The following DSG2 variants were observed in gnomAD, a reference collection of about 807,000 sequenced individuals.
DSG2 encodes desmoglein-2.
DSG2 carries 45 observed loss-of-function variants against 75.6 expected under a neutral mutation model. The ratio of observed to expected loss-of-function variants is 0.60; its 90% CI spans 0.47 to 0.76. The LOEUF (loss-of-function observed/expected upper bound fraction) is 0.76, where lower values mean the gene tolerates loss of function less well. Among genes scored for constraint, DSG2 ranks in the 30% least tolerant of loss-of-function variants. The pLI is 0.00. For missense variants in DSG2, 1,267 were observed against 1,357.4 expected, an observed-to-expected ratio of 0.93 and a Z score of 1.05; for synonymous variants, 429 against 483.9, an observed-to-expected ratio of 0.89 and a Z score of 1.49.
At chr18:31,521,266 TTAATA>T in intron 5 of DSG2, 23 bp downstream of exon 5, 7 of 1,568,364 alleles carry the variant, frequency 4.5e-6, no homozygotes, top group African/African-American at 4.2e-5. Flanking sequence ...TTTTTTTTTT[TTAATA>T]AATAAATACC....
Position 31,531,250 on chromosome 18 carries a change from A to G in DSG2, c.1278A>G (p.Ala426=), listed in dbSNP as rs2073197137. 1 of 1,614,132 alleles carries G rather than the reference A, an allele frequency of 6.2e-7. No individual in the cohort carries two copies. The change falls in exon 9 of 15, where the codon GCA becomes GCG. Residue 426 remains alanine, a splice_region_variant and synonymous_variant. Transcript: ENST00000261590. ...AGGACACTGGACTACCAGCCCATGCAAGGTAAGAGAGAGTGACACGTGTAT... is the reference window on the plus strand; with the variant it reads ...AGGACACTGGACTACCAGCCCATGCGAGGTAAGAGAGAGTGACACGTGTAT... ...FDEDTGLPAH[A]RYVKLEDRDN...
intron 1 of DSG2, among the ~76,000 whole-genome samples, chr18:31,510,767 G>A (rs915306425): frequency 9.2e-5 from 14 of 152,124 alleles, no homozygotes; most frequent in African/African-American, 3.4e-4. Flanking sequence ...TGGTTCATCT[G>A]AAAACACTGC....
intron 10 of DSG2, 75 bp from the exon 11 acceptor site, chr18:31,536,127 G>T (rs943259086): frequency 3.5e-6 from 5 of 1,436,670 alleles, no homozygotes; most frequent in Admixed American, 1.8e-5. Flanking sequence ...CTCCAAATTG[G>T]CAAGGGAATT....
rs1264314764 is a variant in DSG2, at chr18:31,541,187, G to A, written c.1880-6G>A. ...CTTATCTGTGTTCAATTTTGTGTCT[G>A]TACAGTGGTACCACTTTTACTGCTG... On this transcript the variant is annotated splice_region_variant and splice_polypyrimidine_tract_variant and intron_variant, in intron 12 of 14. Transcript: ENST00000261590. The A allele has an allele frequency of 6.2e-7, 1 of 1,614,000 alleles. No homozygotes were observed. Among genetic ancestry groups the A allele is most frequent in the African/African-American group, 1.3e-5 (1 of 74,934 alleles).
chr18:31,513,961 T>G (rs2073080351), intron 1 of DSG2, among the ~76,000 whole-genome samples: 1 of 152,184 alleles, frequency 6.6e-6, no homozygotes, highest in Non-Finnish European at 1.5e-5. Context: ...TGCAGGATAC[T>G]CAGCCAGTAT....
chr18:31,546,216 T>C lies in DSG2; in HGVS notation c.2830T>C (p.Ser944Pro), dbSNP rs1183510455. The C allele has an allele frequency of 6.2e-7, 1 of 1,612,334 alleles. No individual in the cohort carries two copies. Among genetic ancestry groups the C allele is most frequent in the Non-Finnish European group, 8.5e-7 (1 of 1,178,838 alleles). ...IATETSYVTG[S>P]TMPPTTVILG... ...AACAGAAACTTCCTATGTCACAGGGTCCACTATGCCACCAACCACTGTGAT... is the reference window on the plus strand; with the variant it reads ...AACAGAAACTTCCTATGTCACAGGGCCCACTATGCCACCAACCACTGTGAT... Residue 944 changes from serine to proline, a missense_variant, in exon 15 of 15, where the codon TCC (serine) becomes CCC (proline). Coordinates refer to ENST00000261590, the MANE Select transcript of DSG2 (RefSeq NM_001943.5).
At chr18:31,512,281 G>A (rs954889775) in intron 1 of DSG2, among the ~76,000 whole-genome samples, 2 of 152,084 alleles carry the variant, frequency 1.3e-5, no homozygotes, top group Non-Finnish European at 2.9e-5. Context: ...CAGGTGTTCC[G>A]GGTCAAAATT....
Position 31,522,229 on chromosome 18 carries a change from A to G in DSG2, c.670A>G (p.Ser224Gly), listed in dbSNP as rs1060502863. 1 of 1,613,736 alleles carries G rather than the reference A, an allele frequency of 6.2e-7. No homozygotes were observed. Among genetic ancestry groups the G allele is most frequent in the Non-Finnish European group, 8.5e-7 (1 of 1,179,712 alleles). ...AGATACAGGAGAGATTTATACAACC[A>G]GTGTTACCTTGGACAGAGAGGTAAG... is the stretch of plus-strand genomic sequence containing the variant. ...NKDTGEIYTT[S>G]VTLDREEHSS... The change falls in exon 6 of 15, where the codon AGT becomes GGT. Residue 224 changes from serine (S) to glycine (G), a missense_variant. Coordinates refer to ENST00000261590, the MANE Select transcript of DSG2 (RefSeq NM_001943.5).
Position 31,524,734 on chromosome 18 carries a change from A to T in DSG2, c.860A>T (p.Asn287Ile). 1 of 1,614,190 alleles carries T rather than the reference A, an allele frequency of 6.2e-7. No homozygotes were observed. Among genetic ancestry groups the T allele is most frequent in the Non-Finnish European group, 8.5e-7 (1 of 1,180,030 alleles). Residue 287 changes from asparagine to isoleucine, a missense_variant, in exon 8 of 15, where the codon AAC becomes ATC. Asn to Ile is a moderately radical substitution (Grantham distance 149). Coordinates refer to ENST00000261590, the MANE Select transcript of DSG2 (RefSeq NM_001943.5). The part of the protein sequence containing the change: ...LEGMVEENQV[N>I]VEVTRIKVFD... ...GGGATGGTTGAAGAAAATCAAGTCAACGTAGAAGTTACGCGCATAAAAGTG... is the reference window on the plus strand; with the variant it reads ...GGGATGGTTGAAGAAAATCAAGTCATCGTAGAAGTTACGCGCATAAAAGTG...
At chr18:31,538,575 C>T (rs1052487373) in intron 11 of DSG2, among the ~76,000 whole-genome samples, 176 bp from the exon 12 acceptor site, 4 of 152,146 alleles carry the variant, frequency 2.6e-5, no homozygotes, top group African/African-American at 9.7e-5. Context: ...ATTTAAACTG[C>T]ATATTCAGGG....
chr18:31,507,178 T>G (rs1383782951), intron 1 of DSG2, among the ~76,000 whole-genome samples: 3 of 152,170 alleles, frequency 2.0e-5, no homozygotes, highest in Non-Finnish European at 2.9e-5. Context: ...ACATGTGGTG[T>G]TTGGTTTTCT....
chr18:31,519,039 G>A (rs2073111272), intron 2 of DSG2, among the ~76,000 whole-genome samples: 1 of 152,130 alleles, frequency 6.6e-6, no homozygotes, highest in Admixed American at 6.5e-5. Context: ...TTTTAGTCAA[G>A]TTTATATCAA....
At chr18:31,502,714 G>A (rs1251102125) in intron 1 of DSG2, among the ~76,000 whole-genome samples, 1 of 152,042 alleles carries the variant, frequency 6.6e-6, no homozygotes, top group Non-Finnish European at 1.5e-5. Flanking sequence ...TTGTGCCACT[G>A]CACTCCAGCC....
At chr18:31,522,978 A>G (rs977400913) in intron 6 of DSG2, among the ~76,000 whole-genome samples, 2 of 152,248 alleles carry the variant, frequency 1.3e-5, no homozygotes, top group African/African-American at 4.8e-5. Context: ...GGGGAGATAG[A>G]AGATTTTTTA....
chr18:31,540,700 T>A (rs2073261180), intron 12 of DSG2, among the ~76,000 whole-genome samples: 1 of 152,236 alleles, frequency 6.6e-6, no homozygotes, highest in Non-Finnish European at 1.5e-5. Flanking sequence ...TTTACTACAT[T>A]GATCAAGGGG....
At chr18:31,509,922 T>A (rs2848675) in intron 1 of DSG2, among the ~76,000 whole-genome samples, 11,676 of 152,346 alleles carry the variant, frequency 0.077, 449 homozygotes, top group Middle Eastern at 0.14. Flanking sequence ...TATCTCATTT[T>A]ATTTCTTTCA....
chr18:31,542,252 T>C, intron 13 of DSG2: 1 of 522,266 alleles, frequency 1.9e-6, no homozygotes, highest in Non-Finnish European at 3.5e-6. Context: ...GAGGTTGAAA[T>C]GCCATTGGTC....
chr18:31,532,273 G>A (rs944768448), intron 9 of DSG2, among the ~76,000 whole-genome samples: 5 of 152,082 alleles, frequency 3.3e-5, no homozygotes, highest in African/African-American at 4.8e-5. Flanking sequence ...GCATCCTCAC[G>A]TGGCCAAAGG....
At chr18:31,513,101 G>T (rs2073075679) in intron 1 of DSG2, among the ~76,000 whole-genome samples, 1 of 152,130 alleles carries the variant, frequency 6.6e-6, no homozygotes, top group African/African-American at 2.4e-5. Flanking sequence ...ATCCTAGTTA[G>T]GTGGCTTTCA....
Sources: gnomAD v4.1 joint callset for allele counts (sites outside exome capture counted in the v4.1 genomes callset) on GRCh38, gnomAD v4.1.1 for gene constraint, MANE v1.5 for transcripts, NCBI Gene and HGNC (gene_info 2026-07-23, HGNC 2026-07-21) for gene names.